FOXN2: variants seen among roughly 807,000 people sequenced by gnomAD.
FOXN2 encodes the protein forkhead box N2.
FOXN2 carries 19 observed loss-of-function variants against 41.2 expected under a neutral mutation model. The ratio of observed to expected loss-of-function variants is 0.46; its 90% CI spans 0.32 to 0.68. FOXN2 has a LOEUF of 0.68. FOXN2 is among the 30% of genes least tolerant of loss of function. The probability of loss-of-function intolerance (pLI) is 0.03; values close to 1 mark genes in which losing one functional copy is unlikely to be tolerated. For missense variants in FOXN2, 587 were observed against 509.4 expected (o/e 1.15, Z -1.47); for synonymous variants, 195 against 176.8 (o/e 1.10, Z -0.82).
Position 48,360,790 on chromosome 2 carries a change from G to GT in FOXN2, c.638+1658dup, listed in dbSNP as rs757595172. Among the ~76,000 whole-genome samples the GT allele has an allele frequency of 6.0e-3, 824 of 136,538 alleles. 7 individuals carry two copies. The highest frequency in any genetic ancestry group is 0.011 in the African/African-American group (426 of 37,554). The allele number at this position is 136,538 out of a possible 152,430, so 89.6% of individuals were successfully genotyped here. A position where few individuals can be genotyped will look rare whatever the true frequency, so the allele number is the denominator to read the frequency against. ...TATGTGTTTTACTTAGCTGTGTTGG[G>GT]TTTTTTTTTTTTTTTGCTGAAGATT... is the stretch of plus-strand genomic sequence containing the variant. On this transcript the variant is annotated intron_variant, in intron 4 of 6. Transcript: ENST00000340553.
At chr2:48,327,902 AATATATT>A (rs1393660671) in intron 1 of FOXN2, among the ~76,000 whole-genome samples, 2 of 152,222 alleles carry the variant, frequency 1.3e-5, no homozygotes, top group Admixed American at 6.5e-5. Flanking sequence ...ATATAAAATC[AATATATT>A]AAACCAATCA....
At position 48,375,251 on chromosome 2, in the gene FOXN2, A is replaced by G. The variant is rs953114067; in HGVS notation, c.1104A>G (p.Ala368=). The change falls in exon 7 of 7, where the codon GCA becomes GCG. Residue 368 remains alanine, a synonymous_variant. Transcript: ENST00000340553. ...ATCCTCTTGGAGACAGTGGCTATGCATCACAGCCTTGTGCAAAAATCTCTG... is the reference window on the plus strand; with the variant it reads ...ATCCTCTTGGAGACAGTGGCTATGCGTCACAGCCTTGTGCAAAAATCTCTG... ...EDDPLGDSGY[A]SQPCAKISEK... 2 of 1,613,970 alleles carry G rather than the reference A, an allele frequency of 1.2e-6. No individual in the cohort carries two copies. The highest frequency in any genetic ancestry group is 1.7e-5 in the Admixed American group (1 of 59,956).
At chr2:48,350,395 G>C (rs896860866) in intron 3 of FOXN2, among the ~76,000 whole-genome samples, 3 of 152,248 alleles carry the variant, frequency 2.0e-5, no homozygotes, top group Non-Finnish European at 4.4e-5. Context: ...CTTTCTTCTA[G>C]TGGCACATGG....
intron 2 of FOXN2, among the ~76,000 whole-genome samples, chr2:48,334,805 C>T (rs760973941): frequency 6.6e-6 from 1 of 152,144 alleles, no homozygotes; most frequent in Non-Finnish European, 1.5e-5. Flanking sequence ...TGTACTGTAC[C>T]TTTATAAGAG....
Position 48,353,378 on chromosome 2 carries a change from G to A in FOXN2, c.538-5669G>A, listed in dbSNP as rs536990854. On this transcript the variant is annotated intron_variant, in intron 3 of 6. Transcript: ENST00000340553. ...GAACATTTCCTCAAAGCCCAGCTCAGAAGTCACCTCTCAAGCATTTCCTGC... is the reference window on the plus strand; with the variant it reads ...GAACATTTCCTCAAAGCCCAGCTCAAAAGTCACCTCTCAAGCATTTCCTGC... Among the ~76,000 whole-genome samples the A allele has an allele frequency of 7.9e-5, 12 of 152,244 alleles. No homozygotes were observed. The East Asian group carries it at 1.7e-3, about 22-fold the overall frequency.
intron 4 of FOXN2, among the ~76,000 whole-genome samples, chr2:48,359,607 C>A (rs1427084856): frequency 1.3e-5 from 2 of 149,098 alleles, no homozygotes; most frequent in South Asian, 2.1e-4. Flanking sequence ...TTTTTCTTTT[C>A]TTTTCTTTTC....
chr2:48,341,212 C>G (rs1346178554), intron 2 of FOXN2, among the ~76,000 whole-genome samples: 2 of 152,022 alleles, frequency 1.3e-5, no homozygotes, highest in African/African-American at 4.8e-5. Flanking sequence ...CTTTATGAAG[C>G]AAACTGACCA....
At chr2:48,333,948 T>C (rs1447717744) in intron 2 of FOXN2, among the ~76,000 whole-genome samples, 1 of 152,142 alleles carries the variant, frequency 6.6e-6, no homozygotes, top group Non-Finnish European at 1.5e-5. Context: ...AATTTTGAAA[T>C]ATATTTGGCC....
intron 6 of FOXN2, among the ~76,000 whole-genome samples, chr2:48,373,966 A>G (rs1444729851): frequency 6.6e-6 from 1 of 151,646 alleles, no homozygotes; most frequent in Non-Finnish European, 1.5e-5. Context: ...GAGGTGGGAG[A>G]ATTGCTTGAA....
intron 5 of FOXN2, among the ~76,000 whole-genome samples, chr2:48,372,922 CA>C (rs372780873): frequency 0.18 from 19,641 of 107,360 alleles, 1,307 homozygotes; most frequent in South Asian, 0.27. Context: ...AGTAAAAATG[CA>C]AAAAAAAAAA....
intron 2 of FOXN2, among the ~76,000 whole-genome samples, chr2:48,343,495 A>G (rs1408740884): frequency 6.6e-6 from 1 of 152,222 alleles, no homozygotes; most frequent in Non-Finnish European, 1.5e-5. Context: ...ATGGTGGCTC[A>G]TGCCTGTAAT....
At chr2:48,367,701 A>T (rs1233291246) in intron 5 of FOXN2, among the ~76,000 whole-genome samples, 1 of 152,244 alleles carries the variant, frequency 6.6e-6, no homozygotes, top group Non-Finnish European at 1.5e-5. Flanking sequence ...AACAACAGAA[A>T]TATGCTCGAC....
At chr2:48,374,752 A>G (rs533520001) in intron 6 of FOXN2, among the ~76,000 whole-genome samples, 168 bp from the exon 7 acceptor site, 6 of 152,360 alleles carry the variant, frequency 3.9e-5, no homozygotes, top group South Asian at 2.1e-4. Flanking sequence ...AAATGTTTCA[A>G]ATTAATGCTT....
At chr2:48,363,896 C>T (rs776745511) in intron 5 of FOXN2, among the ~76,000 whole-genome samples, 9 of 152,098 alleles carry the variant, frequency 5.9e-5, no homozygotes, top group African/African-American at 1.4e-4. Flanking sequence ...AACATATTCC[C>T]GTCATTAAAC....
intron 2 of FOXN2, among the ~76,000 whole-genome samples, chr2:48,342,413 C>T (rs1039961238): frequency 6.6e-6 from 1 of 151,988 alleles, no homozygotes; most frequent in Non-Finnish European, 1.5e-5. Flanking sequence ...ATCTTTTTCC[C>T]TACATAAGAT....
chr2:48,374,104 T>G (rs1673081821), intron 6 of FOXN2, among the ~76,000 whole-genome samples: 1 of 151,308 alleles, frequency 6.6e-6, no homozygotes, highest in African/African-American at 2.4e-5. Flanking sequence ...ACAAAATATA[T>G]CTAAGAAAAG....
At chr2:48,330,343 G>T (rs1457327714) in intron 2 of FOXN2, among the ~76,000 whole-genome samples, 1 of 152,056 alleles carries the variant, frequency 6.6e-6, no homozygotes, top group African/African-American at 2.4e-5. Flanking sequence ...AAATCTTAGT[G>T]GCAAAGCTTA....
chr2:48,321,834 C>G (rs1264187859), intron 1 of FOXN2, among the ~76,000 whole-genome samples: 1 of 151,932 alleles, frequency 6.6e-6, no homozygotes, highest in Non-Finnish European at 1.5e-5. Context: ...TATTGTGGGT[C>G]TCTATGAAAA....
At chr2:48,341,756 C>A (rs914370135) in intron 2 of FOXN2, among the ~76,000 whole-genome samples, 69 of 152,190 alleles carry the variant, frequency 4.5e-4, no homozygotes, top group Non-Finnish European at 8.5e-4. Context: ...TGCTGCTTTC[C>A]ACTGTGTTAG....
Sources: allele counts gnomAD v4.1 joint callset (sites outside exome capture counted in the v4.1 genomes callset), GRCh38; gene constraint gnomAD v4.1.1; transcripts MANE v1.5; gene names NCBI Gene and HGNC (gene_info 2026-07-23, HGNC 2026-07-21).